Variants in MAP3K6 observed in about 807,000 individuals in gnomAD.
MAP3K6 encodes mitogen-activated protein kinase kinase kinase 6.
MAP3K6 carries 105 observed loss-of-function variants against 147.1 expected under a neutral mutation model. The observed-to-expected ratio is 0.71, with a 90% CI of 0.61 to 0.84. MAP3K6 has a LOEUF of 0.84. Ranked by LOEUF, MAP3K6 falls within the 40% of genes least tolerant of loss-of-function variation. The pLI is 0.00. For synonymous variants in MAP3K6, 695 were observed against 732.4 expected (o/e 0.95, Z 0.82); for missense variants, 1,569 against 1,715.0 (o/e 0.91, Z 1.50).
At position 27,362,670 on chromosome 1, in the gene MAP3K6, A is replaced by C; in HGVS notation, c.1226T>G (p.Phe409Cys). The C allele has an allele frequency of 6.2e-7, 1 of 1,601,686 alleles. No individual in the cohort carries two copies. The highest frequency in any genetic ancestry group is 1.3e-5 in the African/African-American group (1 of 74,882). ...TAGCCGGAGCTCTTTGGAATCCTCA[A>C]AGTGCTGCCCGGCAGCAATGAGGAG... is the stretch of plus-strand genomic sequence containing the variant. Reference protein sequence around the residue: ...AVLLIAAGQHFEDSKELRLIG... With the variant: ...AVLLIAAGQHCEDSKELRLIG... The change falls in exon 8 of 29, where the codon TTT (phenylalanine) becomes TGT (cysteine). Residue 409 changes from phenylalanine (F) to cysteine (C), a missense_variant. Physicochemically the swap from Phe to Cys is radical, Grantham distance 205. Transcript: ENST00000357582.
Position 27,359,525 on chromosome 1 carries a change from G to A in MAP3K6, c.2320-3C>T, listed in dbSNP as rs1444160317. On this transcript the variant is annotated splice_region_variant and splice_polypyrimidine_tract_variant and intron_variant, in intron 17 of 28. Coordinates refer to ENST00000357582, the MANE Select transcript of MAP3K6 (RefSeq NM_004672.5). This position sits in a 1 kb window ranked among gnomAD's most constrained non-coding sequence, Gnocchi z 4.4. ...GTGTTGATCAGCACATTGTCCCCCT[G>A]ATTGACAGCCATTAGTGGACACTGG... 6.2e-7 allele frequency: 1 copy of A among 1,614,020 alleles called. No individual in the cohort carries two copies. The highest frequency in any genetic ancestry group is 8.5e-7 in the Non-Finnish European group (1 of 1,180,010).
chr1:27,365,923 G>A (rs2015961198), intron 1 of MAP3K6, among the ~76,000 whole-genome samples: 1 of 147,528 alleles, frequency 6.8e-6, no homozygotes, highest in Non-Finnish European at 1.5e-5. Flanking sequence ...CCACAGCCCC[G>A]CGCCGCTCCC....
In MAP3K6 at chr1:27,364,264, A is replaced by G. The variant is rs754845175; in HGVS notation, c.635T>C (p.Leu212Pro). The G allele has an allele frequency of 1.2e-6, 2 of 1,613,612 alleles. No individual in the cohort carries two copies. The highest frequency in any genetic ancestry group is 3.3e-5 in the Admixed American group (2 of 60,024). ...LVQAGVGTEA[L>P]LTPLVGRLAR... ...AAGCCGGCCCACCAGGGGAGTGAGC[A>G]GGGCCTCGGTCCCCACTCCAGCCTG... The change falls in exon 4 of 29, where the codon CTG (leucine) becomes CCG (proline). Residue 212 changes from leucine (L) to proline (P), a missense_variant. Physicochemically the swap from Leu to Pro is moderately conservative, Grantham distance 98 (BLOSUM62 -3). Transcript: ENST00000357582. This position sits in a 1 kb window ranked among gnomAD's most constrained non-coding sequence, Gnocchi z 4.4.
At chr1:27,357,638 G>T in intron 22 of MAP3K6, 62 bp from the exon 23 acceptor site, 1 of 1,588,272 alleles carries the variant, frequency 6.3e-7, no homozygotes, top group East Asian at 2.3e-5. Context: ...TGCCGCGGAG[G>T]TAGGGGGCGG....
At position 27,356,389 on chromosome 1, in the gene MAP3K6, TG is replaced by T. The variant is rs758275840; in HGVS notation, c.3635del (p.Pro1212GlnfsTer17). 2 of 1,605,478 alleles carry T rather than the reference TG, an allele frequency of 1.2e-6. No homozygotes were observed. The highest frequency in any genetic ancestry group is 8.5e-7 in the Non-Finnish European group (1 of 1,176,256). On this transcript the variant is annotated frameshift_variant and splice_region_variant, in exon 26 of 29. Transcript: ENST00000357582. LOFTEE classifies it high-confidence loss of function. ...GTTCTCCAGCCAAGGCCCACTCACTTGGAGGCTCTGGGGCCAGGACATAGGT... is the reference window on the plus strand; with the variant it reads ...GTTCTCCAGCCAAGGCCCACTCACTTGAGGCTCTGGGGCCAGGACATAGGT... ...ARTYVLAPEP[P>X]TALSTDQGLV...
Position 27,360,932 on chromosome 1 carries a change from C to T in MAP3K6, c.1909G>A (p.Glu637Lys). 6.2e-7 allele frequency: 1 copy of T among 1,608,032 alleles called. No individual in the cohort carries two copies. Among genetic ancestry groups the T allele is most frequent in the Non-Finnish European group, 8.5e-7 (1 of 1,177,118 alleles). ...TCCCGCGTCCTCACCTCCAACATCT[C>T]CCCCGCGCCCTCCGCCTCCTCCGCG... ...APAEEAEGAGEMLEFDYEYTE... is the reference protein window; with the variant it reads ...APAEEAEGAGKMLEFDYEYTE... Residue 637 changes from glutamate to lysine, a missense_variant, in exon 14 of 29, where the codon GAG becomes AAG. Coordinates refer to ENST00000357582, the MANE Select transcript of MAP3K6 (RefSeq NM_004672.5). This position sits in a 1 kb window ranked among gnomAD's most constrained non-coding sequence, Gnocchi z 4.5.
Position 27,362,269 on chromosome 1 carries a change from G to A in MAP3K6, c.1256-19C>T. The A allele has an allele frequency of 6.2e-7, 1 of 1,601,942 alleles. No individual in the cohort carries two copies. The highest frequency in any genetic ancestry group is 8.5e-7 in the Non-Finnish European group (1 of 1,173,142). On this transcript the variant is annotated intron_variant, in intron 8 of 28. Transcript: ENST00000357582. Reference sequence around the variant, plus strand: ...TTCATGCCTGGGGGAGAGAGGCATGGGCTCCAGTGAGTGTGGGTGCAGGGG... The same window carrying A: ...TTCATGCCTGGGGGAGAGAGGCATGAGCTCCAGTGAGTGTGGGTGCAGGGG...
Position 27,366,708 on chromosome 1 carries a change from A to C in MAP3K6, c.-111T>G. Reference sequence around the variant, plus strand: ...TCTGGAATCCGTTCGGAATCGGAGAATCTCCCACGGGATCTAGGGATCCGG... The same window carrying C: ...TCTGGAATCCGTTCGGAATCGGAGACTCTCCCACGGGATCTAGGGATCCGG... On this transcript the variant is annotated 5_prime_UTR_variant, in exon 1 of 29. Coordinates refer to ENST00000357582, the MANE Select transcript of MAP3K6 (RefSeq NM_004672.5). The surrounding 1 kb of genome is among the most constrained non-coding windows in gnomAD (Gnocchi z 5.5). 3 of 813,096 alleles carry C rather than the reference A, an allele frequency of 3.7e-6. No individual in the cohort carries two copies. Among genetic ancestry groups the C allele is most frequent in the Non-Finnish European group, 4.5e-6 (3 of 669,462 alleles). 50.4% of individuals were successfully genotyped at this position (813,096 alleles called of 1,614,324 possible).
Position 27,359,673 on chromosome 1 carries a change from G to C in MAP3K6, c.2320-151C>G, listed in dbSNP as rs2015670161. The C allele has an allele frequency of 1.4e-6, 2 of 1,390,628 alleles. No homozygotes were observed. The highest frequency in any genetic ancestry group is 2.5e-5 in the East Asian group (1 of 40,244). 86.1% of individuals were successfully genotyped at this position (1,390,628 alleles called of 1,614,324 possible). A position where few individuals can be genotyped will look rare whatever the true frequency, so the allele number is the denominator to read the frequency against. On this transcript the variant is annotated intron_variant, in intron 17 of 28. Coordinates refer to ENST00000357582, the MANE Select transcript of MAP3K6 (RefSeq NM_004672.5). The surrounding 1 kb of genome is among the most constrained non-coding windows in gnomAD (Gnocchi z 4.4). The stretch of plus-strand genomic sequence containing the variant: ...ATCCCACTTATATGCCCCTCTGGGA[G>C]CTGACAATTGGTTTGGCTTCAGAGC...
Position 27,358,422 on chromosome 1 carries a change from A to C in MAP3K6, c.2773T>G (p.Ser925Ala), listed in dbSNP as rs1355445777. The stretch of plus-strand genomic sequence containing the variant: ...CCATCCCGCCACCCGCAAGCACCTG[A>C]GGGCCGTGGAGCATGTCGTGGGGAG... ...PSSPRHAPRP[S>A]DAPSASPTPS... Residue 925 changes from serine to alanine, a missense_variant, in exon 20 of 29, where the codon TCA becomes GCA. Coordinates refer to ENST00000357582, the MANE Select transcript of MAP3K6 (RefSeq NM_004672.5). This position sits in a 1 kb window ranked among gnomAD's most constrained non-coding sequence, Gnocchi z 6.2. The C allele has an allele frequency of 6.3e-7, 1 of 1,589,272 alleles. No individual in the cohort carries two copies. The highest frequency in any genetic ancestry group is 1.1e-5 in the South Asian group (1 of 87,878).
At position 27,361,825 on chromosome 1, in the gene MAP3K6, G is replaced by A. The variant is rs760998565; in HGVS notation, c.1458C>T (p.His486=). The A allele has an allele frequency of 2.5e-6, 4 of 1,596,156 alleles. No homozygotes were observed. Among genetic ancestry groups the A allele is most frequent in the South Asian group, 2.3e-5 (2 of 88,688 alleles). Residue 486 remains histidine (H), a synonymous_variant, in exon 10 of 29, where the codon CAC becomes CAT. Coordinates refer to ENST00000357582, the MANE Select transcript of MAP3K6 (RefSeq NM_004672.5). ...SVMETFLLYQ[H]FRPTPEPPGG... is the part of the protein sequence containing the mutation. ...CAGGGGGCTCTGGCGTGGGCCTGAA[G>A]TGCTGGTAGAGCAGGAAGGTCTCCA...
In MAP3K6 at chr1:27,359,740, T is replaced by A. The variant is rs1557559719; in HGVS notation, c.2319+118A>T. Reference sequence around the variant, plus strand: ...TTCTCTAAGGAGCCTCCCTGATGAATTCCCTACCCTTTGCAACAGGTCTGC... The same window carrying A: ...TTCTCTAAGGAGCCTCCCTGATGAAATCCCTACCCTTTGCAACAGGTCTGC... On this transcript the variant is annotated intron_variant, in intron 17 of 28. Transcript: ENST00000357582. The surrounding 1 kb of genome is among the most constrained non-coding windows in gnomAD (Gnocchi z 4.4). The A allele has an allele frequency of 6.8e-7, 1 of 1,479,664 alleles. No individual in the cohort carries two copies. The highest frequency in any genetic ancestry group is 9.2e-7 in the Non-Finnish European group (1 of 1,086,206). 91.7% of individuals were successfully genotyped at this position (1,479,664 alleles called of 1,614,324 possible). A position where few individuals can be genotyped will look rare whatever the true frequency, so the allele number is the denominator to read the frequency against.
chr1:27,359,747 C>T lies in MAP3K6; in HGVS notation c.2319+111G>A, dbSNP rs750574129. ...AGGAGCCTCCCTGATGAATTCCCTA[C>T]CCTTTGCAACAGGTCTGCTCACTTA... On this transcript the variant is annotated intron_variant, in intron 17 of 28. Coordinates refer to ENST00000357582, the MANE Select transcript of MAP3K6 (RefSeq NM_004672.5). This position sits in a 1 kb window ranked among gnomAD's most constrained non-coding sequence, Gnocchi z 4.4. 8.6e-6 allele frequency: 13 copies of T among 1,510,706 alleles called. No homozygotes were observed. Among genetic ancestry groups the T allele is most frequent in the Non-Finnish European group, 1.2e-5 (13 of 1,108,170 alleles). The allele number at this position is 1,510,706 out of a possible 1,614,324, so 93.6% of individuals were successfully genotyped here.
chr1:27,356,913 G>T, intron 24 of MAP3K6, 96 bp downstream of exon 24: 1 of 1,436,952 alleles, frequency 7.0e-7, no homozygotes, highest in Non-Finnish European at 9.6e-7. Flanking sequence ...GCCTGCCCCT[G>T]TCCCGCCTGG....
chr1:27,359,331 T>C lies in MAP3K6; in HGVS notation c.2425+86A>G. 1 of 1,592,948 alleles carries C rather than the reference T, an allele frequency of 6.3e-7. No homozygotes were observed. Among genetic ancestry groups the C allele is most frequent in the Non-Finnish European group, 8.6e-7 (1 of 1,164,528 alleles). On this transcript the variant is annotated intron_variant, in intron 18 of 28. Transcript: ENST00000357582. This position sits in a 1 kb window ranked among gnomAD's most constrained non-coding sequence, Gnocchi z 4.4. ...CCCATTAGGACTCTAACTCCATGCC[T>C]AGGAGAAACCCCCTTCCCTGGAAAG... is the stretch of plus-strand genomic sequence containing the variant.
chr1:27,364,227 C>T lies in MAP3K6; in HGVS notation c.672G>A (p.Leu224=). The change falls in exon 4 of 29, where the codon CTG becomes CTA. Residue 224 remains leucine, a synonymous_variant. Transcript: ENST00000357582. The surrounding 1 kb of genome is among the most constrained non-coding windows in gnomAD (Gnocchi z 4.4). ...TPLVGRLARL[L]EATPTDSCGY... ...ACCAAGAGTCTGTGGGTGTGGCCTC[C>T]AGCAGGCGGGCAAGCCGGCCCACCA... 6.2e-7 allele frequency: 1 copy of T among 1,612,410 alleles called. No individual in the cohort carries two copies. Among genetic ancestry groups the T allele is most frequent in the Non-Finnish European group, 8.5e-7 (1 of 1,179,880 alleles).
chr1:27,363,090 C>T, intron 6 of MAP3K6, 69 bp from the exon 7 acceptor site: 4 of 1,436,762 alleles, frequency 2.8e-6, no homozygotes, highest in Non-Finnish European at 3.8e-6. Context: ...CCTCTAGACA[C>T]TGAACCAGCA....
At chr1:27,362,457 T>G (rs1284483679) in intron 8 of MAP3K6, among the ~76,000 whole-genome samples, 184 bp downstream of exon 8, 1 of 152,106 alleles carries the variant, frequency 6.6e-6, no homozygotes, top group Non-Finnish European at 1.5e-5. Context: ...TGGGAACATT[T>G]GTGGGTTTGA....
In MAP3K6 at chr1:27,364,960, G is replaced by T. The variant is rs1187205311; in HGVS notation, c.341-48C>A. ...GCTGATCCCTGAAGCCCAGCTTGAT[G>T]GGGAAGGAGCCGGGGTCCATCCTGG... On this transcript the variant is annotated intron_variant, in intron 1 of 28. Transcript: ENST00000357582. The surrounding 1 kb of genome is among the most constrained non-coding windows in gnomAD (Gnocchi z 4.4). 6 of 1,535,868 alleles carry T rather than the reference G, an allele frequency of 3.9e-6. No individual in the cohort carries two copies. The highest frequency in any genetic ancestry group is 5.3e-6 in the Non-Finnish European group (6 of 1,138,154).
Sources: allele counts gnomAD v4.1 joint callset (sites outside exome capture counted in the v4.1 genomes callset), GRCh38; gene constraint gnomAD v4.1.1; non-coding constraint Gnocchi (gnomAD v3.1); transcripts MANE v1.5; gene names NCBI Gene and HGNC (gene_info 2026-07-23, HGNC 2026-07-21).